Variants in ATXN7 observed in about 807,000 individuals in gnomAD.
The protein encoded by ATXN7 is ataxin-7.
In ATXN7, 12 loss-of-function variants were observed where a neutral mutation model predicts 70.5. The observed-to-expected ratio is 0.17, with a 90% CI of 0.11 to 0.28. ATXN7 has a LOEUF of 0.28. Among genes scored for constraint, ATXN7 ranks in the 10% least tolerant of loss-of-function variants. ATXN7 has a pLI of 1.00. For synonymous variants in ATXN7, 498 were observed against 448.7 expected (o/e 1.11, Z -1.39); for missense variants, 1,256 against 1,131.7 (o/e 1.11, Z -1.58).
intron 5 of ATXN7, among the ~76,000 whole-genome samples, chr3:63,971,746 C>G (rs937142281): frequency 6.6e-6 from 1 of 152,026 alleles, no homozygotes; most frequent in African/African-American, 2.4e-5. Flanking sequence ...TAGGATAATG[C>G]TAAATTAGTC....
rs1704093684 is a variant in ATXN7, at chr3:63,912,725, C to G, written c.127C>G (p.Pro43Ala). The change falls in exon 3 of 13, where the codon CCG becomes GCG. Residue 43 changes from proline (P) to alanine (A), a missense_variant. Pro to Ala is a conservative substitution (Grantham distance 27). Transcript: ENST00000674280. ...QQQQQQQPPP[P>A]QPQRQQHPPP... ...GCAGCAGCAGCAGCAGCCGCCGCCT[C>G]CGCAGCCCCAGCGGCAGCAGCACCC... 1.6e-6 allele frequency: 2 copies of G among 1,248,896 alleles called. No homozygotes were observed. The highest frequency in any genetic ancestry group is 2.0e-6 in the Non-Finnish European group (2 of 987,558). 77.4% of individuals were successfully genotyped at this position (1,248,896 alleles called of 1,614,324 possible).
At chr3:63,905,684 C>T (rs181219708) in intron 2 of ATXN7, 1 of 152,278 alleles carries the variant, frequency 6.6e-6, no homozygotes, top group East Asian at 1.9e-4. Context: ...GCAGGAAAGG[C>T]AGATTTCTCA....
At chr3:63,986,752 A>G (rs1273832813) in intron 8 of ATXN7, among the ~76,000 whole-genome samples, 1 of 152,206 alleles carries the variant, frequency 6.6e-6, no homozygotes, top group Admixed American at 6.5e-5. Context: ...AGGTAGACAT[A>G]GTTTGCAGTG....
chr3:63,978,644 C>G (rs903010443), intron 5 of ATXN7, among the ~76,000 whole-genome samples: 13 of 152,206 alleles, frequency 8.5e-5, no homozygotes, highest in African/African-American at 3.1e-4. Flanking sequence ...AAATCACTAT[C>G]AATTTAACCT....
chr3:63,904,915 G>A (rs1394552374), intron 2 of ATXN7: 1 of 152,090 alleles, frequency 6.6e-6, no homozygotes, highest in Non-Finnish European at 1.5e-5. Flanking sequence ...TTCTTTTGTT[G>A]TTGTTTATTA....
chr3:63,925,095 A>G (rs560000278), intron 4 of ATXN7, among the ~76,000 whole-genome samples: 1 of 152,324 alleles, frequency 6.6e-6, no homozygotes, highest in East Asian at 1.9e-4. Flanking sequence ...ATGAGAGGAA[A>G]AGCATATGGA....
In ATXN7 at chr3:63,922,565, G is replaced by T. The variant is rs1010001858; in HGVS notation, c.394+9340G>T. ...GTTTTTCAAACCCCCTTTTTTCTGG[G>T]CAAAAAAGGTAAATTATAGGCAATG... On this transcript the variant is annotated intron_variant, in intron 4 of 12. Transcript: ENST00000674280. Among the ~76,000 whole-genome samples the T allele has an allele frequency of 2.6e-5, 4 of 151,796 alleles. No homozygotes were observed. The South Asian group carries it at 8.3e-4, about 31-fold the overall frequency.
chr3:63,931,864 G>A (rs1219232147), intron 4 of ATXN7, among the ~76,000 whole-genome samples: 2 of 152,184 alleles, frequency 1.3e-5, no homozygotes, highest in Non-Finnish European at 2.9e-5. Flanking sequence ...GGAAAGAGAA[G>A]CCTGAAGTTT....
chr3:63,963,896 G>T (rs1209482101), intron 5 of ATXN7, among the ~76,000 whole-genome samples: 1 of 152,078 alleles, frequency 6.6e-6, no homozygotes, highest in Non-Finnish European at 1.5e-5. Context: ...GGTCACAAAA[G>T]ACTAGTTATT....
chr3:63,937,564 T>C (rs905901444), intron 4 of ATXN7, among the ~76,000 whole-genome samples: 1 of 152,230 alleles, frequency 6.6e-6, no homozygotes, highest in African/African-American at 2.4e-5. Flanking sequence ...CATACACAAG[T>C]GTCTTAAAGT....
intron 4 of ATXN7, among the ~76,000 whole-genome samples, chr3:63,921,606 C>G (rs1378276355): frequency 6.6e-6 from 1 of 152,042 alleles, no homozygotes; most frequent in African/African-American, 2.4e-5. Flanking sequence ...TCTGTGTGCT[C>G]TTGGTTGGTG....
At chr3:63,915,145 C>T (rs1456771921) in intron 4 of ATXN7, among the ~76,000 whole-genome samples, 1 of 152,166 alleles carries the variant, frequency 6.6e-6, no homozygotes, top group Non-Finnish European at 1.5e-5. Context: ...CCACGTTGGC[C>T]ACGATGGTCT....
In ATXN7 at chr3:64,002,886, T is replaced by A. The variant is rs1002891241; in HGVS notation, c.*3419T>A. 1 of 150,786 alleles carries A rather than the reference T, an allele frequency of 6.6e-6. No individual in the cohort carries two copies. Among genetic ancestry groups the A allele is most frequent in the Non-Finnish European group, 1.5e-5 (1 of 67,150 alleles). 9.3% of individuals were successfully genotyped at this position (150,786 alleles called of 1,614,324 possible). On this transcript the variant is annotated 3_prime_UTR_variant, in exon 13 of 13. Coordinates refer to ENST00000674280, the MANE Select transcript of ATXN7 (RefSeq NM_001377405.1). ...TTCACTCATGAAATACAATTTAAAA[T>A]ATTTAAAATATTTTGTATTCCAAAA... is the stretch of plus-strand genomic sequence containing the variant.
intron 2 of ATXN7, chr3:63,903,907 G>T (rs1321644025): frequency 6.6e-6 from 1 of 152,162 alleles, no homozygotes; most frequent in Non-Finnish European, 1.5e-5. Context: ...AAGTTTTAAT[G>T]TTGGCTTAAA....
chr3:63,999,380 A>G, intron 12 of ATXN7, 70 bp from the exon 13 acceptor site: 1 of 1,265,266 alleles, frequency 7.9e-7, no homozygotes, highest in Non-Finnish European at 1.2e-6. Context: ...CTTGTTTAGA[A>G]TCAATAGAGT....
chr3:63,897,076 A>G (rs1703470477), intron 1 of ATXN7, among the ~76,000 whole-genome samples: 1 of 152,238 alleles, frequency 6.6e-6, no homozygotes, highest in Non-Finnish European at 1.5e-5. Flanking sequence ...GACTGTCTCT[A>G]TCATGACAAT....
At chr3:63,917,322 G>A (rs946049927) in intron 4 of ATXN7, among the ~76,000 whole-genome samples, 1 of 152,184 alleles carries the variant, frequency 6.6e-6, no homozygotes, top group Non-Finnish European at 1.5e-5. Context: ...CCCCCAAGGT[G>A]ATTTGTGAAA....
chr3:63,965,283 C>T (rs1349501961), intron 5 of ATXN7, among the ~76,000 whole-genome samples: 1 of 152,174 alleles, frequency 6.6e-6, no homozygotes, highest in Non-Finnish European at 1.5e-5. Flanking sequence ...TCACCCCAGG[C>T]TTGTGGGAGG....
intron 6 of ATXN7, among the ~76,000 whole-genome samples, chr3:63,980,986 C>T (rs541256342): frequency 5.9e-5 from 9 of 152,324 alleles, no homozygotes; most frequent in African/African-American, 2.2e-4. Flanking sequence ...GGAGCAGCCA[C>T]GCACTCCAAT....
Sources: allele counts gnomAD v4.1 joint callset (sites outside exome capture counted in the v4.1 genomes callset), GRCh38; gene constraint gnomAD v4.1.1; transcripts MANE v1.5; gene names NCBI Gene and HGNC (gene_info 2026-07-23, HGNC 2026-07-21).